ARID3A: variants seen among roughly 807,000 people sequenced by gnomAD.
ARID3A encodes AT-rich interaction domain 3A.
ARID3A carries 11 observed loss-of-function variants against 52.7 expected under a neutral mutation model. The observed-to-expected ratio is 0.21, with a 90% confidence interval of 0.13 to 0.35. The LOEUF is 0.35. ARID3A is among the 10% of genes least tolerant of loss of function. The pLI, the probability that ARID3A is intolerant of heterozygous loss-of-function variation, is 1.00. For synonymous variants in ARID3A, 404 were observed against 359.4 expected, an observed-to-expected ratio of 1.12 and a Z score of -1.40; for missense variants, 721 against 838.5, an observed-to-expected ratio of 0.86 and a Z score of 1.73.
chr19:969,544 C>A (rs145391663), intron 8 of ARID3A, among the ~76,000 whole-genome samples: 2,860 of 151,192 alleles, frequency 0.019, 41 homozygotes, highest in Middle Eastern at 0.038. Flanking sequence ...CCTTCTCTCT[C>A]TCTATATATC....
chr19:961,456 GC>G (rs1342038272), intron 4 of ARID3A, among the ~76,000 whole-genome samples: 1 of 152,188 alleles, frequency 6.6e-6, no homozygotes, highest in African/African-American at 2.4e-5. Flanking sequence ...AGGGCCCACT[GC>G]CCCCTGTGAG....
At chr19:943,612 G>A (rs1161316210) in intron 3 of ARID3A, among the ~76,000 whole-genome samples, 2 of 152,088 alleles carry the variant, frequency 1.3e-5, no homozygotes, top group Non-Finnish European at 1.5e-5. Context: ...ACACGGACAC[G>A]TAGGGAGATA....
intron 3 of ARID3A, among the ~76,000 whole-genome samples, chr19:933,505 G>A (rs897709202): frequency 6.6e-6 from 1 of 152,290 alleles, no homozygotes; most frequent in East Asian, 1.9e-4. Flanking sequence ...GGCGCGGCTG[G>A]GGGGAGCCAC....
chr19:927,233 A>G (rs2037219978), intron 1 of ARID3A, among the ~76,000 whole-genome samples: 2 of 151,646 alleles, frequency 1.3e-5, no homozygotes, highest in Non-Finnish European at 2.9e-5. Context: ...GCCTGGTCCA[A>G]CGACCACCCA....
rs1420775177 is a variant in ARID3A at position 929,787 on chromosome 19, G to C, written c.259G>C (p.Gly87Arg). The change falls in exon 2 of 9, where the codon GGC (glycine) becomes CGC (arginine). Residue 87 changes from glycine to arginine, a missense_variant. By Grantham distance (125) the Gly-to-Arg change is moderately radical (BLOSUM62 -2). Around this residue, in one of 5 missense-constraint regions of ARID3A, gnomAD observed 349 missense variants for 297.3 expected, o/e 1.17. Transcript: ENST00000263620. The surrounding 1 kb of genome is among the most constrained non-coding windows in gnomAD (Gnocchi z 6.2). ...CGGCGGCTCTGAGGATGGGCCCCCA[G>C]GCTCGGAGGAGGAGGACGCGGCCCG... is the stretch of plus-strand genomic sequence containing the variant. ...SPGGSEDGPPGSEEEDAAREG... is the reference protein window; with the variant it reads ...SPGGSEDGPPRSEEEDAAREG... 1 of 1,549,932 alleles carries C rather than the reference G, an allele frequency of 6.5e-7. No homozygotes were observed. The highest frequency in any genetic ancestry group is 1.2e-5 in the South Asian group (1 of 84,624).
chr19:954,432 G>A (rs990308878), intron 3 of ARID3A, among the ~76,000 whole-genome samples: 4 of 152,236 alleles, frequency 2.6e-5, no homozygotes, highest in African/African-American at 7.2e-5. Flanking sequence ...CTGTGGCCCC[G>A]CATTTTCTTG....
At position 965,035 on chromosome 19, in the gene ARID3A, A is replaced by G; in HGVS notation, c.1153A>G (p.Ser385Gly). ...LPVSSLGLAA[S>G]TNGSSITPAP... is the part of the protein sequence containing the mutation. ...CGTGTCCTCCCTGGGCCTGGCCGCA[A>G]GCACCAATGGCAGCTCCATCACCCC... is the stretch of plus-strand genomic sequence containing the variant. The change falls in exon 6 of 9, where the codon AGC (serine) becomes GGC (glycine). Residue 385 changes from serine to glycine, a missense_variant. Transcript: ENST00000263620. The G allele has an allele frequency of 6.2e-7, 1 of 1,613,022 alleles. No homozygotes were observed. Among genetic ancestry groups the G allele is most frequent in the East Asian group, 2.2e-5 (1 of 44,872 alleles).
In ARID3A at chr19:960,788, C is replaced by T. The variant is rs184518443; in HGVS notation, c.766+624C>T. ...GCAGGGCCGCTGTTTACTGTGCACA[C>T]TTATTGGGCACCAACGGTATACCAG... On this transcript the variant is annotated intron_variant, in intron 4 of 8. Coordinates refer to ENST00000263620, the MANE Select transcript of ARID3A (RefSeq NM_005224.3). This position sits in a 1 kb window ranked among gnomAD's most constrained non-coding sequence, Gnocchi z 4.3. Among the ~76,000 whole-genome samples, 176 of 152,282 alleles carry T rather than the reference C, an allele frequency of 1.2e-3. No homozygotes were observed. The highest frequency in any genetic ancestry group is 2.1e-3 in the Non-Finnish European group (141 of 68,030).
At position 953,478 on chromosome 19, in the gene ARID3A, C is replaced by T. The variant is rs528581173; in HGVS notation, c.694-6614C>T. Among the ~76,000 whole-genome samples the T allele has an allele frequency of 3.7e-3, 562 of 150,078 alleles. 2 individuals are homozygous for T. Among genetic ancestry groups the T allele is most frequent in the Middle Eastern group, 0.01 (3 of 294 alleles). On this transcript the variant is annotated intron_variant, in intron 3 of 8. Coordinates refer to ENST00000263620, the MANE Select transcript of ARID3A (RefSeq NM_005224.3). ...CCCACCCCCCCAGGCCTCCCACACC[C>T]CCCCCCGTGCAGAGCCGGGGGAGTG...
Position 972,210 on chromosome 19 carries a change from G to C in ARID3A, c.*145G>C. 1 of 397,032 alleles carries C rather than the reference G, an allele frequency of 2.5e-6. No individual in the cohort carries two copies. Among genetic ancestry groups the C allele is most frequent in the Non-Finnish European group, 4.4e-6 (1 of 227,836 alleles). 24.6% of individuals were successfully genotyped at this position (397,032 alleles called of 1,614,324 possible). ...AAGGAGCCACAGCTGACGCCAAAAA[G>C]AAAAGAAAAAAGATATATATATATA... is the stretch of plus-strand genomic sequence containing the variant. On this transcript the variant is annotated 3_prime_UTR_variant, in exon 9 of 9. Transcript: ENST00000263620.
chr19:930,591 C>G (rs1418478579), intron 2 of ARID3A, among the ~76,000 whole-genome samples: 12 of 149,230 alleles, frequency 8.0e-5, no homozygotes, highest in East Asian at 2.0e-4. Context: ...CTCACTGCAA[C>G]CTCCTCCTCC....
At chr19:943,178 T>A (rs1224219862) in intron 3 of ARID3A, among the ~76,000 whole-genome samples, 1 of 151,450 alleles carries the variant, frequency 6.6e-6, no homozygotes, top group Non-Finnish European at 1.5e-5. Context: ...GGAGGATTGC[T>A]TGAGCCCAGG....
intron 8 of ARID3A, among the ~76,000 whole-genome samples, chr19:971,449 T>C (rs1008366050): frequency 2.0e-5 from 3 of 152,026 alleles, no homozygotes; most frequent in Non-Finnish European, 4.4e-5. Flanking sequence ...CCGTCTGTAC[T>C]AAAAATAAAA....
At chr19:952,906 TG>T (rs987670714) in intron 3 of ARID3A, among the ~76,000 whole-genome samples, 4 of 152,024 alleles carry the variant, frequency 2.6e-5, no homozygotes, top group Admixed American at 2.0e-4. Context: ...GGGGACTGAG[TG>T]GGGAAACCAT....
chr19:967,972 G>C (rs2038194537), intron 7 of ARID3A, among the ~76,000 whole-genome samples: 1 of 151,152 alleles, frequency 6.6e-6, no homozygotes, highest in Non-Finnish European at 1.5e-5. Flanking sequence ...TTGAACCCTG[G>C]AGGTGGAGGT....
At chr19:963,508 G>A (rs1186922366) in intron 4 of ARID3A, among the ~76,000 whole-genome samples, 1 of 152,200 alleles carries the variant, frequency 6.6e-6, no homozygotes, top group African/African-American at 2.4e-5. Flanking sequence ...GGGGCAGCCT[G>A]GGAGAGCCCT....
In ARID3A at chr19:938,304, A is replaced by G. The variant is rs1599390345; in HGVS notation, c.693+5562A>G. Among the ~76,000 whole-genome samples, 1 of 152,304 alleles carries G rather than the reference A, an allele frequency of 6.6e-6. No homozygotes were observed. Among genetic ancestry groups the G allele is most frequent in the African/African-American group, 2.4e-5 (1 of 41,570 alleles). On this transcript the variant is annotated intron_variant, in intron 3 of 8. Transcript: ENST00000263620. The surrounding 1 kb of genome is among the most constrained non-coding windows in gnomAD (Gnocchi z 4.0). ...AGCTCAGAGGTGTAGGAATGACGGCACTAGCCGGTATCTGTTGCTTCACTG... is the reference window on the plus strand; with the variant it reads ...AGCTCAGAGGTGTAGGAATGACGGCGCTAGCCGGTATCTGTTGCTTCACTG...
intron 3 of ARID3A, among the ~76,000 whole-genome samples, chr19:945,860 G>A (rs1019858721): frequency 1.3e-5 from 2 of 152,126 alleles, no homozygotes; most frequent in Non-Finnish European, 2.9e-5. Context: ...TGATGGGACC[G>A]CAGTCTCCCA....
At chr19:963,017 C>T (rs1430960183) in intron 4 of ARID3A, among the ~76,000 whole-genome samples, 1 of 152,190 alleles carries the variant, frequency 6.6e-6, no homozygotes, top group Non-Finnish European at 1.5e-5. Context: ...CCTCCATTCA[C>T]TGGGGGTTTT....
Sources: allele counts gnomAD v4.1 joint callset (sites outside exome capture counted in the v4.1 genomes callset), GRCh38; gene constraint gnomAD v4.1.1; regional missense constraint gnomAD v4.1.1; non-coding constraint Gnocchi (gnomAD v3.1); transcripts MANE v1.5; gene names NCBI Gene and HGNC (gene_info 2026-07-23, HGNC 2026-07-21).